FBLIM1: variants seen among roughly 807,000 people sequenced by gnomAD.
The protein encoded by FBLIM1 is filamin binding LIM protein 1, also known as filamin-binding LIM protein 1.
Under a neutral mutation model 37.4 loss-of-function variants are expected in FBLIM1, and 29 were observed. The observed-to-expected ratio is 0.77, with a 90% CI of 0.58 to 1.06. The LOEUF (loss-of-function observed/expected upper bound fraction) is 1.06. Among genes scored for constraint, FBLIM1 ranks in the 50% least tolerant of loss-of-function variants. The pLI is 0.00. For synonymous variants in FBLIM1, 193 were observed against 199.0 expected, an observed-to-expected ratio of 0.97 and a Z score of 0.25; for missense variants, 449 against 505.6, an observed-to-expected ratio of 0.89 and a Z score of 1.07.
At chr1:15,783,568 T>C (rs541465131) in intron 8 of FBLIM1, among the ~76,000 whole-genome samples, 1 of 140,192 alleles carries the variant, frequency 7.1e-6, no homozygotes, top group African/African-American at 2.6e-5. Context: ...GAACTTACGT[T>C]CTTTTTTTTT....
At chr1:15,772,604 G>T (rs1391897474) in intron 6 of FBLIM1, among the ~76,000 whole-genome samples, 1 of 152,114 alleles carries the variant, frequency 6.6e-6, no homozygotes, top group Admixed American at 6.6e-5. Flanking sequence ...CCTGCCTCGG[G>T]AATCTCTTTG....
Position 15,765,229 on chromosome 1 carries a change from T to A in FBLIM1, c.246T>A (p.Asn82Lys). 1 of 1,610,606 alleles carries A rather than the reference T, an allele frequency of 6.2e-7. No individual in the cohort carries two copies. The highest frequency in any genetic ancestry group is 1.7e-5 in the Admixed American group (1 of 59,716). Reference sequence around the variant, plus strand: ...CGGCTGCACCTATGCAGCTCTTCAATGGAGGTAAGAGCTGAGGGGACTTTG... The same window carrying A: ...CGGCTGCACCTATGCAGCTCTTCAAAGGAGGTAAGAGCTGAGGGGACTTTG... ...TVPAAPMQLF[N>K]GGCPPPPPVL... The change falls in exon 3 of 9, where the codon AAT becomes AAA. Residue 82 changes from asparagine to lysine, a missense_variant. Transcript: ENST00000375766. The surrounding 1 kb of genome is among the most constrained non-coding windows in gnomAD (Gnocchi z 5.9).
chr1:15,779,135 C>T (rs2148646561), intron 8 of FBLIM1, among the ~76,000 whole-genome samples: 1 of 152,028 alleles, frequency 6.6e-6, no homozygotes, highest in Middle Eastern at 3.4e-3. Flanking sequence ...GTTGTTTCTC[C>T]ATGTTGGCCA....
At chr1:15,784,157 G>A (rs1024284470) in intron 8 of FBLIM1, among the ~76,000 whole-genome samples, 1 of 152,180 alleles carries the variant, frequency 6.6e-6, no homozygotes, top group Admixed American at 6.5e-5. Context: ...CTCCAGCCTG[G>A]GCGACAGAGC....
At chr1:15,782,408 A>G (rs2069666636) in intron 8 of FBLIM1, among the ~76,000 whole-genome samples, 2 of 124,734 alleles carry the variant, frequency 1.6e-5, no homozygotes, top group Admixed American at 1.6e-4. Flanking sequence ...ACTCTATCTT[A>G]AAAAAAAAAA....
At chr1:15,772,210 G>A (rs1432388996) in intron 6 of FBLIM1, among the ~76,000 whole-genome samples, 4 of 152,180 alleles carry the variant, frequency 2.6e-5, no homozygotes, top group Admixed American at 6.6e-5. Context: ...TGAAGGGTTA[G>A]AGTATTTGGA....
chr1:15,758,522 C>T (rs1331099747), upstream of FBLIM1: 5 of 152,102 alleles, frequency 3.3e-5, no homozygotes, highest in Non-Finnish European at 5.9e-5. This position sits in a 1 kb window ranked among gnomAD's most constrained non-coding sequence, Gnocchi z 6.2. Flanking sequence ...CCATCGCCCC[C>T]ATCCCCATTC....
Position 15,784,466 on chromosome 1 carries a change from C to T in FBLIM1, c.1009-82C>T, listed in dbSNP as rs977027081. 1.9e-5 allele frequency: 22 copies of T among 1,134,194 alleles called. No individual in the cohort carries two copies. The Middle Eastern group carries it at 1.2e-3, about 62-fold the overall frequency. 70.3% of individuals were successfully genotyped at this position (1,134,194 alleles called of 1,614,324 possible). On this transcript the variant is annotated intron_variant, in intron 8 of 8. Transcript: ENST00000375766. ...CATCCACTCATGCAGTTGGTTTATT[C>T]GGCAGATGCCAAGTGAGTCCCTCCC...
At chr1:15,784,521 G>T (rs754856436) in intron 8 of FBLIM1, 27 bp from the exon 9 acceptor site, 1 of 1,599,154 alleles carries the variant, frequency 6.3e-7, no homozygotes, top group East Asian at 2.2e-5. Context: ...GCCCAGGGCG[G>T]GTCAGCATGT....
intron 7 of FBLIM1, chr1:15,775,291 CT>C (rs2069447848): frequency 6.3e-6 from 1 of 157,676 alleles, no homozygotes; most frequent in Non-Finnish European, 1.4e-5. Flanking sequence ...AATCCCAGCA[CT>C]TTTGGAGGCC....
intron 1 of FBLIM1, among the ~76,000 whole-genome samples, chr1:15,760,797 A>G (rs529492248): frequency 1.6e-4 from 24 of 152,134 alleles, no homozygotes; most frequent in African/African-American, 5.5e-4. Context: ...TGGATCTGTG[A>G]TTCGCTCTCT....
chr1:15,775,221 C>CA lies in FBLIM1; in HGVS notation c.890+447dup, dbSNP rs34843894. 258 of 48,262 alleles carry CA rather than the reference C, an allele frequency of 5.3e-3. 4 individuals are homozygous for CA. The highest frequency in any genetic ancestry group is 0.016 in the African/African-American group (207 of 13,066). The allele number at this position is 48,262 out of a possible 1,614,324, so 3.0% of individuals were successfully genotyped here. On this transcript the variant is annotated intron_variant, in intron 7 of 8. Transcript: ENST00000375766. ...GGCAACAGAGTGTGAGACTCCGTCTCAAAAAAAAAAAAAAAAAAAAAAGAA... is the reference window on the plus strand; with the variant it reads ...GGCAACAGAGTGTGAGACTCCGTCTCAAAAAAAAAAAAAAAAAAAAAAAGAA...
intron 8 of FBLIM1, among the ~76,000 whole-genome samples, chr1:15,783,293 T>C (rs924623566): frequency 1.3e-5 from 2 of 152,040 alleles, no homozygotes; most frequent in African/African-American, 2.4e-5. Flanking sequence ...ATTTGAAAAA[T>C]AGAAAATATT....
intron 1 of FBLIM1, among the ~76,000 whole-genome samples, chr1:15,759,393 C>T (rs2068557358): frequency 6.6e-6 from 1 of 152,126 alleles, no homozygotes; most frequent in African/African-American, 2.4e-5. Context: ...TGGAGATGGG[C>T]GATACCCAGG....
At chr1:15,777,120 C>A in intron 7 of FBLIM1, 50 bp from the exon 8 acceptor site, 2 of 1,451,282 alleles carry the variant, frequency 1.4e-6, no homozygotes, top group African/African-American at 1.4e-5. Flanking sequence ...TAATTAATTT[C>A]TGTGGTTGTG....
Position 15,784,789 on chromosome 1 carries a change from GC to G in FBLIM1, c.*131del. 1.3e-6 allele frequency: 1 copy of G among 760,978 alleles called. No individual in the cohort carries two copies. The highest frequency in any genetic ancestry group is 2.2e-6 in the Non-Finnish European group (1 of 463,468). 47.1% of individuals were successfully genotyped at this position (760,978 alleles called of 1,614,324 possible). ...TCCATGGAGACCAGCCTGCAAGCCG[GC>G]CCAGCCTGTCCAGGATACAGTGGGG... On this transcript the variant is annotated 3_prime_UTR_variant, in exon 9 of 9. Coordinates refer to ENST00000375766, the MANE Select transcript of FBLIM1 (RefSeq NM_017556.4).
At chr1:15,764,322 T>C (rs2068816589) in intron 1 of FBLIM1, among the ~76,000 whole-genome samples, 174 bp from the exon 2 acceptor site, 2 of 152,286 alleles carry the variant, frequency 1.3e-5, no homozygotes, top group East Asian at 1.9e-4. Context: ...TGTGAGTGTT[T>C]ATGAGTTAAT....
intron 6 of FBLIM1, among the ~76,000 whole-genome samples, chr1:15,771,970 G>A (rs1180491413): frequency 6.6e-6 from 1 of 152,024 alleles, no homozygotes; most frequent in East Asian, 1.9e-4. Context: ...GTTGCTTCCG[G>A]GTACCAAGTG....
chr1:15,767,301 GCCATGTAGGTAAGTAAAACCCTC>G, intron 3 of FBLIM1, 52 bp from the exon 4 acceptor site: 2 of 1,380,208 alleles, frequency 1.4e-6, no homozygotes, highest in Non-Finnish European at 1.9e-6. Context: ...CCTCTGTATG[GCCATGTAGGTAAGTAAAACCCTC>G]CCAGGTCCAC....
Sources: allele counts gnomAD v4.1 joint callset (sites outside exome capture counted in the v4.1 genomes callset), GRCh38; gene constraint gnomAD v4.1.1; non-coding constraint Gnocchi (gnomAD v3.1); transcripts MANE v1.5; gene names NCBI Gene and HGNC (gene_info 2026-07-23, HGNC 2026-07-21).